DHX29: variants seen among roughly 807,000 people sequenced by gnomAD.
DHX29 encodes DExH-box helicase 29, also known as ATP-dependent RNA helicase DHX29.
Under a neutral mutation model 167.9 loss-of-function variants are expected in DHX29, and 79 were observed. That is an observed-to-expected ratio of 0.47 (90% confidence interval 0.39 to 0.57). The LOEUF is 0.57. Ranked by LOEUF, DHX29 falls within the 20% of genes least tolerant of loss-of-function variation. The probability of loss-of-function intolerance (pLI) is 0.00; values close to 1 mark genes in which losing one functional copy is unlikely to be tolerated. For synonymous variants in DHX29, 530 were observed against 546.0 expected, an observed-to-expected ratio of 0.97 and a Z score of 0.41; for missense variants, 1,347 against 1,593.4, an observed-to-expected ratio of 0.85 and a Z score of 2.63.
At chr5:55,256,857 T>C (rs1285348072) in intron 26 of DHX29, among the ~76,000 whole-genome samples, 1 of 152,184 alleles carries the variant, frequency 6.6e-6, no homozygotes, top group East Asian at 1.9e-4. Flanking sequence ...TTTTATTCTA[T>C]AAAAATTCCT....
intron 8 of DHX29, among the ~76,000 whole-genome samples, chr5:55,286,579 T>C (rs1747741954): frequency 6.6e-6 from 1 of 152,198 alleles, no homozygotes; most frequent in Admixed American, 6.5e-5. Context: ...ACAGATAAAG[T>C]CCAAATTCCT....
At chr5:55,271,953 T>G in intron 18 of DHX29, 134 bp downstream of exon 18, 1 of 511,274 alleles carries the variant, frequency 2.0e-6, no homozygotes, top group South Asian at 3.8e-5. Flanking sequence ...ATAGTTTCTC[T>G]AAGGCTTTTG....
At position 55,307,595 on chromosome 5, in the gene DHX29, C is replaced by T. The variant is rs763001668; in HGVS notation, c.-22G>A. 20 of 1,611,680 alleles carry T rather than the reference C, an allele frequency of 1.2e-5. No homozygotes were observed. The African/African-American group carries it at 1.3e-4, about 11-fold the overall frequency. ...CCATGTTGCAGCTGTGGCAGAAGATCCTTCGCGGCCCAGGCCCCGACGGTA... is the reference window on the plus strand; with the variant it reads ...CCATGTTGCAGCTGTGGCAGAAGATTCTTCGCGGCCCAGGCCCCGACGGTA... On this transcript the variant is annotated 5_prime_UTR_variant, in exon 1 of 27. Coordinates refer to ENST00000251636, the MANE Select transcript of DHX29 (RefSeq NM_019030.4).
rs746440234 is a variant in DHX29 at position 55,259,895 on chromosome 5, T to C, written c.4010A>G (p.Asp1337Gly). 3.1e-6 allele frequency: 5 copies of C among 1,613,042 alleles called. No individual in the cohort carries two copies. Among genetic ancestry groups the C allele is most frequent in the Non-Finnish European group, 4.2e-6 (5 of 1,179,134 alleles). Residue 1337 changes from aspartate (D) to glycine (G), a missense_variant, in exon 26 of 27, where the codon GAT (aspartate) becomes GGT (glycine). Asp to Gly is a moderately conservative substitution (Grantham distance 94). Coordinates refer to ENST00000251636, the MANE Select transcript of DHX29 (RefSeq NM_019030.4). ...VIFKQLRVLI[D>G]SVLRKKLENP... ...TTCAAGCTTTTTTCTTAAAACTGAA[T>C]CAATGAGAACTCTCAGCTGCTTGAA...
At position 55,307,622 on chromosome 5, in the gene DHX29, C is replaced by T. The variant is rs1236965491; in HGVS notation, c.-49G>A. ...TTCGCGGCCCAGGCCCCGACGGTAC[C>T]ACTGCACAGCCGAGAGCTCTTCACA... On this transcript the variant is annotated 5_prime_UTR_variant, in exon 1 of 27. Transcript: ENST00000251636. 3 of 1,603,048 alleles carry T rather than the reference C, an allele frequency of 1.9e-6. No individual in the cohort carries two copies. Among genetic ancestry groups the T allele is most frequent in the East Asian group, 2.2e-5 (1 of 44,842 alleles).
At position 55,307,327 on chromosome 5, in the gene DHX29, C is replaced by T. The variant is rs1002090089; in HGVS notation, c.187+60G>A. The T allele has an allele frequency of 4.7e-6, 7 of 1,474,554 alleles. No individual in the cohort carries two copies. The Admixed American group carries it at 1.5e-4, about 31-fold the overall frequency. 91.3% of individuals were successfully genotyped at this position (1,474,554 alleles called of 1,614,324 possible). A position where few individuals can be genotyped will look rare whatever the true frequency, so the allele number is the denominator to read the frequency against. On this transcript the variant is annotated intron_variant, in intron 1 of 26. Coordinates refer to ENST00000251636, the MANE Select transcript of DHX29 (RefSeq NM_019030.4). ...CTCCTCCCGGGTTCTAAGGCCCTTT[C>T]CTCAGGACAAGCAGCAAGGTCTCAG...
rs1466724325 is a variant in DHX29 at position 55,307,575 on chromosome 5, T to G, written c.-2A>C. On this transcript the variant is annotated 5_prime_UTR_variant, in exon 1 of 27. Transcript: ENST00000251636. Reference sequence around the variant, plus strand: ...GTGTTTCTTGTTCTTGCCGCCCATGTTGCAGCTGTGGCAGAAGATCCTTCG... The same window carrying G: ...GTGTTTCTTGTTCTTGCCGCCCATGGTGCAGCTGTGGCAGAAGATCCTTCG... The G allele has an allele frequency of 4.3e-6, 7 of 1,613,258 alleles. No individual in the cohort carries two copies. In the East Asian group the frequency reaches 1.3e-4, roughly 31 times the overall value.
intron 12 of DHX29, among the ~76,000 whole-genome samples, chr5:55,277,763 G>A (rs772418601): frequency 1.6e-4 from 25 of 151,734 alleles, no homozygotes; most frequent in South Asian, 2.1e-4. Flanking sequence ...AAAATTAGCC[G>A]GGTATGGTGG....
intron 1 of DHX29, 126 bp downstream of exon 1, chr5:55,307,261 A>C: frequency 6.5e-6 from 5 of 771,054 alleles, no homozygotes; most frequent in Non-Finnish European, 1.0e-5. Context: ...ATGGGGAGGT[A>C]GCAGCTCGAG....
intron 1 of DHX29, among the ~76,000 whole-genome samples, chr5:55,306,973 T>A (rs1748900221): frequency 6.6e-6 from 1 of 152,090 alleles, no homozygotes; most frequent in Admixed American, 6.5e-5. Context: ...GACACTAGAT[T>A]GTTGCTGAAA....
At chr5:55,295,929 A>G (rs1323771038) in intron 4 of DHX29, among the ~76,000 whole-genome samples, 1 of 152,202 alleles carries the variant, frequency 6.6e-6, no homozygotes, top group Non-Finnish European at 1.5e-5. Context: ...ATATTCAAGG[A>G]CAGTCCTAAT....
At position 55,276,342 on chromosome 5, in the gene DHX29, C is replaced by G; in HGVS notation, c.2351G>C (p.Cys784Ser). 6.2e-7 allele frequency: 1 copy of G among 1,604,584 alleles called. No homozygotes were observed. Among genetic ancestry groups the G allele is most frequent in the Non-Finnish European group, 8.5e-7 (1 of 1,175,914 alleles). The change falls in exon 14 of 27, where the codon TGT (cysteine) becomes TCT (serine). Residue 784 changes from cysteine (C) to serine (S), a missense_variant. Cys to Ser is a moderately radical substitution (Grantham distance 112). Coordinates refer to ENST00000251636, the MANE Select transcript of DHX29 (RefSeq NM_019030.4). The stretch of plus-strand genomic sequence containing the variant: ...TTCTTCCTCTTCCAGAAATTTCTGA[C>G]AATATTCTGAGTCTTTTTCCAGTAC... Reference protein sequence around the residue: ...GFVLEKDSEYCQKFLEEEEEV... With the variant: ...GFVLEKDSEYSQKFLEEEEEV...
chr5:55,288,755 A>T (rs921549175), intron 8 of DHX29, among the ~76,000 whole-genome samples: 2 of 152,336 alleles, frequency 1.3e-5, no homozygotes, highest in African/African-American at 4.8e-5. Context: ...AGCTGTTTGC[A>T]TTAAGCCTTG....
At chr5:55,279,929 A>G (rs1031642490) in intron 12 of DHX29, among the ~76,000 whole-genome samples, 1 of 152,064 alleles carries the variant, frequency 6.6e-6, no homozygotes. Context: ...GCAAATAAAA[A>G]TGCATACTAT....
Position 55,274,607 on chromosome 5 carries a change from T to A in DHX29, c.2690+7A>T, listed in dbSNP as rs1455676253. ...CTACCAGGAATATAATGAAGATGAG[T>A]AGTTACCGTTCAGAATAAAATCTTC... On this transcript the variant is annotated splice_region_variant and intron_variant, in intron 16 of 26. Coordinates refer to ENST00000251636, the MANE Select transcript of DHX29 (RefSeq NM_019030.4). 6.5e-7 allele frequency: 1 copy of A among 1,536,124 alleles called. No homozygotes were observed. Among genetic ancestry groups the A allele is most frequent in the Non-Finnish European group, 8.9e-7 (1 of 1,128,582 alleles).
intron 16 of DHX29, 93 bp from the exon 17 acceptor site, chr5:55,273,470 T>C: frequency 2.3e-6 from 3 of 1,301,040 alleles, no homozygotes; most frequent in East Asian, 2.7e-5. Context: ...CAAGCAACTT[T>C]AAGATTTTTT....
chr5:55,272,317 CTGTG>C, intron 17 of DHX29, 142 bp from the exon 18 acceptor site: 2 of 601,162 alleles, frequency 3.3e-6, no homozygotes, highest in Non-Finnish European at 5.8e-6. Flanking sequence ...TTTGCTATTA[CTGTG>C]TAATTTTAAT....
chr5:55,279,910 T>TA (rs1455536448), intron 12 of DHX29, among the ~76,000 whole-genome samples: 1 of 151,518 alleles, frequency 6.6e-6, no homozygotes, highest in African/African-American at 2.4e-5. Flanking sequence ...GGATAGAACA[T>TA]AAAATAGAGC....
intron 2 of DHX29, among the ~76,000 whole-genome samples, chr5:55,298,339 T>C (rs181379252): frequency 0.015 from 2,282 of 152,274 alleles, 32 homozygotes; most frequent in Middle Eastern, 0.024. Flanking sequence ...GAAACGGTAT[T>C]CTAAGACAGA....
Sources: allele counts gnomAD v4.1 joint callset (sites outside exome capture counted in the v4.1 genomes callset), GRCh38; gene constraint gnomAD v4.1.1; transcripts MANE v1.5; gene names NCBI Gene and HGNC (gene_info 2026-07-23, HGNC 2026-07-21).